Variants in ADAMTS3 observed in about 807,000 individuals in gnomAD.
ADAMTS3 encodes ADAM metallopeptidase with thrombospondin type 1 motif 3.
In ADAMTS3, 73 loss-of-function variants were observed where a neutral mutation model predicts 129.0. The observed-to-expected ratio is 0.57, with a 90% CI of 0.47 to 0.69. ADAMTS3 has a LOEUF of 0.69. Ranked by LOEUF, ADAMTS3 falls within the 30% of genes least tolerant of loss-of-function variation. The probability of loss-of-function intolerance (pLI) is 0.00; values close to 1 mark genes in which losing one functional copy is unlikely to be tolerated. For missense variants in ADAMTS3, 1,457 were observed against 1,514.5 expected (o/e 0.96, Z 0.63); for synonymous variants, 477 against 510.8 (o/e 0.93, Z 0.89).
intron 3 of ADAMTS3, among the ~76,000 whole-genome samples, chr4:72,466,163 G>T (rs764584094): frequency 9.2e-5 from 14 of 152,184 alleles, no homozygotes; most frequent in Middle Eastern, 6.8e-3. Flanking sequence ...ACACTGTGAT[G>T]AACATCTGGG....
intron 18 of ADAMTS3, 59 bp downstream of exon 18, chr4:72,298,218 A>T (rs1377858024): frequency 6.9e-7 from 1 of 1,442,520 alleles, no homozygotes; most frequent in Non-Finnish European, 9.5e-7. Context: ...TAAAGGTAGA[A>T]GCAAGATTGG....
At chr4:72,562,970 T>C (rs564811683) in intron 2 of ADAMTS3, among the ~76,000 whole-genome samples, 14 of 152,312 alleles carry the variant, frequency 9.2e-5, no homozygotes, top group African/African-American at 3.1e-4. Context: ...TCAAAATTAC[T>C]CATGATTTTG....
chr4:72,343,364 G>A (rs961347689), intron 4 of ADAMTS3, among the ~76,000 whole-genome samples: 4 of 152,018 alleles, frequency 2.6e-5, no homozygotes, highest in African/African-American at 7.3e-5. Context: ...TATGTCTGCC[G>A]CTCAATTTTA....
intron 6 of ADAMTS3, among the ~76,000 whole-genome samples, chr4:72,321,800 T>A (rs1248661051): frequency 6.6e-6 from 1 of 152,078 alleles, no homozygotes; most frequent in Non-Finnish European, 1.5e-5. Context: ...ATTTTTTTTT[T>A]AACTTCATGC....
chr4:72,535,204 A>G (rs1005003849), intron 3 of ADAMTS3, among the ~76,000 whole-genome samples: 18 of 152,234 alleles, frequency 1.2e-4, no homozygotes, highest in African/African-American at 4.3e-4. Flanking sequence ...CACCCTAAGC[A>G]AAGTCAAATA....
At chr4:72,386,583 T>C (rs1350074080) in intron 4 of ADAMTS3, among the ~76,000 whole-genome samples, 3 of 151,946 alleles carry the variant, frequency 2.0e-5, no homozygotes, top group Non-Finnish European at 4.4e-5. Flanking sequence ...ATTTAAGGGA[T>C]GGGGGAAGAG....
intron 3 of ADAMTS3, among the ~76,000 whole-genome samples, chr4:72,480,786 G>A (rs1170408011): frequency 2.0e-5 from 3 of 149,252 alleles, no homozygotes; most frequent in Non-Finnish European, 3.0e-5. Context: ...CCTATTTCCA[G>A]ATGATATGAT....
At chr4:72,397,730 G>A (rs1411618673) in intron 4 of ADAMTS3, among the ~76,000 whole-genome samples, 1 of 152,164 alleles carries the variant, frequency 6.6e-6, no homozygotes, top group Non-Finnish European at 1.5e-5. Flanking sequence ...GAGACACACA[G>A]AAGTTTAGTT....
At chr4:72,388,205 G>C (rs2109888850) in intron 4 of ADAMTS3, among the ~76,000 whole-genome samples, 1 of 152,302 alleles carries the variant, frequency 6.6e-6, no homozygotes, top group African/African-American at 2.4e-5. Flanking sequence ...CACTGATTAT[G>C]CCAGGCAAAA....
At position 72,388,743 on chromosome 4, in the gene ADAMTS3, A is replaced by G. The variant is rs1480140515; in HGVS notation, c.661+26072T>C. Among the ~76,000 whole-genome samples the G allele has an allele frequency of 3.3e-5, 5 of 152,036 alleles. No individual in the cohort carries two copies. In the East Asian group the frequency reaches 5.8e-4, roughly 18 times the overall value. The stretch of plus-strand genomic sequence containing the variant: ...ATAGATTTGATGACTCCTTAGGAGG[A>G]TTCACAGGACTCAGCATATAGTCCT... On this transcript the variant is annotated intron_variant, in intron 4 of 21. Coordinates refer to ENST00000286657, the MANE Select transcript of ADAMTS3 (RefSeq NM_014243.3).
At chr4:72,373,727 C>T (rs556303475) in intron 4 of ADAMTS3, among the ~76,000 whole-genome samples, 3 of 151,746 alleles carry the variant, frequency 2.0e-5, no homozygotes, top group South Asian at 2.1e-4. Context: ...GGTGAAACCC[C>T]GTCTCTACAA....
intron 3 of ADAMTS3, among the ~76,000 whole-genome samples, chr4:72,476,152 G>GA (rs1560530389): frequency 1.3e-5 from 2 of 151,564 alleles, no homozygotes; most frequent in Admixed American, 1.3e-4. Flanking sequence ...AATCAAAAAA[G>GA]AAAAAATCAA....
At chr4:72,301,159 G>T (rs1292886598) in intron 17 of ADAMTS3, among the ~76,000 whole-genome samples, 1 of 152,016 alleles carries the variant, frequency 6.6e-6, no homozygotes, top group Non-Finnish European at 1.5e-5. Context: ...ATACCTAAAT[G>T]TAAAATGTAT....
intron 3 of ADAMTS3, among the ~76,000 whole-genome samples, chr4:72,530,520 A>C (rs1445712493): frequency 7.7e-4 from 69 of 89,894 alleles, no homozygotes; most frequent in Non-Finnish European, 8.0e-4. Flanking sequence ...TTATATATAA[A>C]TATATTAATT....
intron 4 of ADAMTS3, among the ~76,000 whole-genome samples, chr4:72,351,313 AG>A (rs1720428445): frequency 1.3e-5 from 2 of 151,908 alleles, no homozygotes; most frequent in East Asian, 3.9e-4. Flanking sequence ...GGCATGTTAC[AG>A]GGTAACATGC....
At chr4:72,327,660 T>C (rs75515225) in intron 5 of ADAMTS3, among the ~76,000 whole-genome samples, 1,591 of 152,294 alleles carry the variant, frequency 0.01, 40 homozygotes, top group African/African-American at 0.036. Context: ...TTCAGGGTCA[T>C]AGCTATACCC....
At chr4:72,458,698 T>G (rs72852101) in intron 3 of ADAMTS3, among the ~76,000 whole-genome samples, 4 of 151,510 alleles carry the variant, frequency 2.6e-5, no homozygotes, top group East Asian at 1.9e-4. Context: ...CAACCTATGA[T>G]TCCCTGAAGC....
chr4:72,410,898 T>A (rs1175524324), intron 4 of ADAMTS3, among the ~76,000 whole-genome samples: 1 of 152,134 alleles, frequency 6.6e-6, no homozygotes, highest in Non-Finnish European at 1.5e-5. Context: ...GTCATAAGCA[T>A]GCCAAGTTTA....
At chr4:72,541,924 G>GT (rs1721338848) in intron 3 of ADAMTS3, among the ~76,000 whole-genome samples, 1 of 152,048 alleles carries the variant, frequency 6.6e-6, no homozygotes, top group African/African-American at 2.4e-5. Context: ...TATTTACTCT[G>GT]TGTATGTATT....
Sources: gnomAD v4.1 joint callset for allele counts (sites outside exome capture counted in the v4.1 genomes callset) on GRCh38, gnomAD v4.1.1 for gene constraint, MANE v1.5 for transcripts, NCBI Gene and HGNC (gene_info 2026-07-23, HGNC 2026-07-21) for gene names.